The following TYW1B variants were observed in gnomAD, a reference collection of about 807,000 sequenced individuals.
TYW1B encodes S-adenosyl-L-methionine-dependent tRNA 4-demethylwyosine synthase TYW1B.
In TYW1B, 73 loss-of-function variants were observed where a neutral mutation model predicts 86.9. The ratio of observed to expected loss-of-function variants is 0.84; its 90% CI spans 0.70 to 1.02. The LOEUF is 1.02. TYW1B is among the 50% of genes least tolerant of loss of function. The pLI is 0.00. For synonymous variants in TYW1B, 248 were observed against 292.8 expected (o/e 0.85, Z 1.56); for missense variants, 637 against 827.4 (o/e 0.77, Z 2.82).
At chr7:72,733,879 T>C (rs1306230969) in intron 8 of TYW1B, among the ~76,000 whole-genome samples, 2 of 152,010 alleles carry the variant, frequency 1.3e-5, no homozygotes, top group African/African-American at 4.8e-5. Flanking sequence ...ATTCTAAAAA[T>C]CACATGGAAC....
chr7:72,815,545 C>A (rs1417870624), intron 2 of TYW1B, 64 bp from the exon 3 acceptor site: 1 of 1,429,096 alleles, frequency 7.0e-7, no homozygotes, highest in Non-Finnish European at 9.6e-7. Context: ...CCTCATTTAC[C>A]CCTGTTGGCA....
At chr7:72,628,643 G>T (rs1207203738) in intron 12 of TYW1B, among the ~76,000 whole-genome samples, 1 of 151,956 alleles carries the variant, frequency 6.6e-6, no homozygotes, top group African/African-American at 2.4e-5. Context: ...ACTTTGTGTG[G>T]ACTGTCCATC....
intron 8 of TYW1B, among the ~76,000 whole-genome samples, chr7:72,740,198 A>G (rs1202069111): frequency 4.6e-5 from 7 of 151,886 alleles, no homozygotes; most frequent in African/African-American, 9.7e-5. Flanking sequence ...GCACCACTGC[A>G]CTCCAGCCTG....
chr7:72,638,098 C>T (rs1165674457), intron 11 of TYW1B, among the ~76,000 whole-genome samples: 1 of 149,838 alleles, frequency 6.7e-6, no homozygotes, highest in Admixed American at 6.8e-5. Flanking sequence ...GAAAAAAACA[C>T]ATGCAGAAAT....
intron 6 of TYW1B, among the ~76,000 whole-genome samples, chr7:72,781,826 T>C (rs1248439408): frequency 6.6e-6 from 1 of 152,208 alleles, no homozygotes; most frequent in Non-Finnish European, 1.5e-5. Flanking sequence ...TGGTCTGACA[T>C]GCAAACAGGA....
rs187032811 is a variant in TYW1B at position 72,825,704 on chromosome 7, G to C, written c.135+1151C>G. Among the ~76,000 whole-genome samples, 19 of 152,232 alleles carry C rather than the reference G, an allele frequency of 1.2e-4. No homozygotes were observed. The East Asian group carries it at 3.7e-3, about 29-fold the overall frequency. On this transcript the variant is annotated intron_variant, in intron 2 of 13. Coordinates refer to ENST00000620995, the MANE Select transcript of TYW1B (RefSeq NM_001145440.3). ...AAAAACAAAATAAAAAATAAACATA[G>C]ATGTGTGATGTGAAAGTCAGGCCCA...
At chr7:72,753,811 TTTAA>T (rs1283804723) in intron 7 of TYW1B, among the ~76,000 whole-genome samples, 1 of 152,134 alleles carries the variant, frequency 6.6e-6, no homozygotes, top group Non-Finnish European at 1.5e-5. Context: ...TAAAGTATAT[TTTAA>T]TTAATTATGT....
intron 4 of TYW1B, among the ~76,000 whole-genome samples, chr7:72,807,878 T>G (rs1788527113): frequency 6.6e-6 from 1 of 152,178 alleles, no homozygotes; most frequent in Non-Finnish European, 1.5e-5. Context: ...AAAAACTTAA[T>G]AAGCTTCCTG....
At chr7:72,581,085 G>T (rs1210936288) in intron 13 of TYW1B, among the ~76,000 whole-genome samples, 4 of 101,802 alleles carry the variant, frequency 3.9e-5, no homozygotes, top group African/African-American at 1.5e-4. Flanking sequence ...TTTATATTCT[G>T]TTTAAGACAC....
At chr7:72,764,295 TTTTTC>T (rs1434063080) in intron 7 of TYW1B, among the ~76,000 whole-genome samples, 1 of 152,196 alleles carries the variant, frequency 6.6e-6, no homozygotes, top group African/African-American at 2.4e-5. Context: ...CAAGTCCTTT[TTTTTC>T]TTTTAAGACA....
chr7:72,646,888 A>T (rs1385504403), intron 11 of TYW1B, among the ~76,000 whole-genome samples: 1 of 152,246 alleles, frequency 6.6e-6, no homozygotes, highest in Non-Finnish European at 1.5e-5. Context: ...TATTATAAAA[A>T]TCCACAATAA....
At chr7:72,798,185 C>G (rs1177291435) in intron 6 of TYW1B, among the ~76,000 whole-genome samples, 7 of 151,976 alleles carry the variant, frequency 4.6e-5, no homozygotes, top group African/African-American at 1.7e-4. Flanking sequence ...GGGCAGATCA[C>G]GAGGTCAGGA....
At chr7:72,792,505 G>C (rs1230648386) in intron 6 of TYW1B, among the ~76,000 whole-genome samples, 1 of 152,158 alleles carries the variant, frequency 6.6e-6, no homozygotes, top group Non-Finnish European at 1.5e-5. Flanking sequence ...CAGATGTAGA[G>C]AACAAGTACT....
At position 72,588,878 on chromosome 7, in the gene TYW1B, T is replaced by C. The variant is rs79791448; in HGVS notation, c.1786-13159A>G. Among the ~76,000 whole-genome samples, 226 of 152,082 alleles carry C rather than the reference T, an allele frequency of 1.5e-3. 5 individuals carry two copies. The East Asian group carries it at 0.041, about 28-fold the overall frequency. ...TCCAGGCTGGAGTACAGTGGTGCAA[T>C]CTTGGCTCACTGCAACCTCTGCCTC... On this transcript the variant is annotated intron_variant, in intron 13 of 13. Transcript: ENST00000620995.
intron 13 of TYW1B, among the ~76,000 whole-genome samples, chr7:72,588,402 A>T (rs1246746448): frequency 3.9e-5 from 6 of 152,220 alleles, no homozygotes; most frequent in Non-Finnish European, 8.8e-5. Context: ...GGTGAGTTCC[A>T]CATGTACCAC....
chr7:72,779,733 A>AAAAAAAAC (rs1788018280), intron 6 of TYW1B, among the ~76,000 whole-genome samples: 1 of 149,894 alleles, frequency 6.7e-6, no homozygotes, highest in Non-Finnish European at 1.5e-5. Context: ...AAAAAAAAAA[A>AAAAAAAAC]TTAACACTCA....
intron 7 of TYW1B, among the ~76,000 whole-genome samples, chr7:72,753,305 TA>T (rs1229607464): frequency 3.3e-5 from 5 of 152,046 alleles, no homozygotes; most frequent in African/African-American, 1.2e-4. Flanking sequence ...GACAGAAAAC[TA>T]GATGTTATAA....
chr7:72,654,040 A>G (rs1554443257), intron 11 of TYW1B, among the ~76,000 whole-genome samples: 1 of 150,908 alleles, frequency 6.6e-6, no homozygotes, highest in Non-Finnish European at 1.5e-5. Flanking sequence ...AGAGCATGCC[A>G]CTGCACTCCA....
intron 13 of TYW1B, among the ~76,000 whole-genome samples, chr7:72,580,456 T>A (rs1380601958): frequency 2.0e-5 from 3 of 152,104 alleles, no homozygotes; most frequent in Non-Finnish European, 2.9e-5. Flanking sequence ...TATGCAGAAT[T>A]ACAAATAAAC....
Sources: allele counts gnomAD v4.1 joint callset (sites outside exome capture counted in the v4.1 genomes callset), GRCh38; gene constraint gnomAD v4.1.1; transcripts MANE v1.5; gene names NCBI Gene and HGNC (gene_info 2026-07-23, HGNC 2026-07-21).